Variants in BICC1 observed in about 807,000 individuals in gnomAD.
BICC1 encodes the protein BicC family RNA binding protein 1.
In BICC1, 43 loss-of-function variants were observed where a neutral mutation model predicts 111.0. That is an observed-to-expected ratio of 0.39 (90% CI 0.30 to 0.50). The LOEUF (loss-of-function observed/expected upper bound fraction) is 0.50, where lower values mean the gene tolerates loss of function less well. Ranked by LOEUF, BICC1 falls within the 20% of genes least tolerant of loss-of-function variation. The pLI is 0.88. For synonymous variants in BICC1, 467 were observed against 434.4 expected (o/e 1.07, Z -0.93); for missense variants, 1,091 against 1,203.2 (o/e 0.91, Z 1.38).
chr10:58,768,228 CAGTT>C (rs758167882), intron 3 of BICC1, among the ~76,000 whole-genome samples: 10 of 152,258 alleles, frequency 6.6e-5, no homozygotes, highest in Admixed American at 5.9e-4. Context: ...AGAAGACTGT[CAGTT>C]AGACTATCAA....
intron 1 of BICC1, among the ~76,000 whole-genome samples, chr10:58,581,700 G>A (rs776736537): frequency 3.9e-5 from 6 of 151,996 alleles, no homozygotes; most frequent in Admixed American, 6.6e-5. Flanking sequence ...TTTCCTAGAC[G>A]CAATCATACT....
intron 3 of BICC1, among the ~76,000 whole-genome samples, chr10:58,753,160 G>A (rs1390112651): frequency 6.6e-6 from 1 of 152,012 alleles, no homozygotes; most frequent in Non-Finnish European, 1.5e-5. Context: ...CGTTGTTGTT[G>A]TTTTTGTTGT....
intron 1 of BICC1, among the ~76,000 whole-genome samples, chr10:58,544,778 C>A (rs1045350192): frequency 2.0e-5 from 3 of 152,060 alleles, no homozygotes; most frequent in African/African-American, 7.2e-5. Context: ...GTCTCCCTTT[C>A]CCCCAAAATC....
intron 2 of BICC1, among the ~76,000 whole-genome samples, chr10:58,663,928 A>G (rs1304657361): frequency 6.6e-6 from 1 of 152,190 alleles, no homozygotes; most frequent in African/African-American, 2.4e-5. Context: ...GTAGTGGTCT[A>G]TTGTATGGGT....
chr10:58,589,171 C>T (rs1430076820), intron 1 of BICC1, among the ~76,000 whole-genome samples: 1 of 152,196 alleles, frequency 6.6e-6, no homozygotes, highest in Non-Finnish European at 1.5e-5. Flanking sequence ...AGAGAACCCA[C>T]TCACACGCTC....
rs1440438373 is a variant in BICC1, at chr10:58,789,588, A to G, written c.796-94A>G. The stretch of plus-strand genomic sequence containing the variant: ...CATTTTGGTTTGCAGAATATGCTGT[A>G]TTTTTCCATAGCTGTTAGAAATGCA... On this transcript the variant is annotated intron_variant, in intron 7 of 20. Transcript: ENST00000373886. 26 of 1,539,754 alleles carry G rather than the reference A, an allele frequency of 1.7e-5. No individual in the cohort carries two copies. In the Admixed American group the frequency reaches 4.3e-4, roughly 26 times the overall value.
Position 58,803,218 on chromosome 10 carries a change from A to G in BICC1, c.2157A>G (p.Pro719=), listed in dbSNP as rs767333433. The G allele has an allele frequency of 3.1e-6, 5 of 1,605,112 alleles. No homozygotes were observed. Among genetic ancestry groups the G allele is most frequent in the Non-Finnish European group, 4.3e-6 (5 of 1,175,804 alleles). ...ACTCCGAAAGGGCCCACCTTGCTCCACGGTCATCATATGTCAACATGCAGG... is the reference window on the plus strand; with the variant it reads ...ACTCCGAAAGGGCCCACCTTGCTCCGCGGTCATCATATGTCAACATGCAGG... ...QQNSERAHLA[P]RSSYVNMQAF... The change falls in exon 15 of 21, where the codon CCA becomes CCG. Residue 719 remains proline, a synonymous_variant. Transcript: ENST00000373886.
intron 2 of BICC1, among the ~76,000 whole-genome samples, chr10:58,682,524 C>T (rs1319829578): frequency 1.3e-5 from 2 of 152,182 alleles, no homozygotes; most frequent in African/African-American, 4.8e-5. Flanking sequence ...TCCTCTCCAG[C>T]ACCTGTTGTT....
chr10:58,607,094 A>T (rs1313862299), intron 1 of BICC1, among the ~76,000 whole-genome samples: 3 of 152,020 alleles, frequency 2.0e-5, no homozygotes, highest in Non-Finnish European at 4.4e-5. Context: ...AGGTGGGTGG[A>T]TCAGCTGCGG....
intron 2 of BICC1, among the ~76,000 whole-genome samples, chr10:58,690,083 A>G (rs956222358): frequency 3.3e-5 from 5 of 152,202 alleles, no homozygotes; most frequent in Non-Finnish European, 5.9e-5. Context: ...GCATTAAAAG[A>G]TGAGAGTTAA....
chr10:58,614,634 G>T (rs1379066881), intron 1 of BICC1, among the ~76,000 whole-genome samples: 1 of 152,068 alleles, frequency 6.6e-6, no homozygotes, highest in Non-Finnish European at 1.5e-5. Context: ...TCTAACTTAG[G>T]AAATCTTTCC....
chr10:58,682,978 A>T lies in BICC1; in HGVS notation c.238-19096A>T, dbSNP rs544543042. Among the ~76,000 whole-genome samples, 1,033 of 152,278 alleles carry T rather than the reference A, an allele frequency of 6.8e-3. 11 individuals are homozygous for T. The highest frequency in any genetic ancestry group is 0.034 in the Middle Eastern group (10 of 294). On this transcript the variant is annotated intron_variant, in intron 2 of 20. Coordinates refer to ENST00000373886, the MANE Select transcript of BICC1 (RefSeq NM_001080512.3). ...TGCCCATGCCTATGTCCTGAATGGT[A>T]TTGCCTAGGTTTTCTTCTAGGGTTT... is the stretch of plus-strand genomic sequence containing the variant.
intron 1 of BICC1, among the ~76,000 whole-genome samples, chr10:58,611,696 C>T (rs1845427052): frequency 6.6e-6 from 1 of 151,794 alleles, no homozygotes; most frequent in African/African-American, 2.4e-5. Flanking sequence ...CACCATGCTG[C>T]GTAGGCTGGT....
At chr10:58,586,542 G>A (rs566146388) in intron 1 of BICC1, among the ~76,000 whole-genome samples, 3 of 151,394 alleles carry the variant, frequency 2.0e-5, no homozygotes, top group Admixed American at 6.6e-5. Flanking sequence ...GGGGCGGGGG[G>A]GCGCGGAGGT....
chr10:58,799,690 G>T (rs892714562), intron 12 of BICC1, among the ~76,000 whole-genome samples: 2 of 151,878 alleles, frequency 1.3e-5, no homozygotes, highest in Non-Finnish European at 2.9e-5. Flanking sequence ...TCTCTATTCC[G>T]TTCCCTTGGT....
At chr10:58,539,850 A>G (rs1842916276) in intron 1 of BICC1, among the ~76,000 whole-genome samples, 1 of 151,968 alleles carries the variant, frequency 6.6e-6, no homozygotes, top group South Asian at 2.1e-4. Flanking sequence ...CAAGTGCACT[A>G]GGAGCATTCT....
At chr10:58,512,559 G>T (rs1842113722), upstream of BICC1, among the ~76,000 whole-genome samples, 1 of 152,142 alleles carries the variant, frequency 6.6e-6, no homozygotes, top group Non-Finnish European at 1.5e-5. Context: ...TGTAAGTGCA[G>T]AAAAGTAGTA....
chr10:58,729,457 A>G (rs1278466626), intron 3 of BICC1, among the ~76,000 whole-genome samples: 2 of 152,120 alleles, frequency 1.3e-5, no homozygotes, highest in Non-Finnish European at 2.9e-5. Context: ...TTTGCTCTGG[A>G]TTAGGCTTTG....
intron 3 of BICC1, among the ~76,000 whole-genome samples, chr10:58,729,676 A>T (rs1011284902): frequency 9.2e-5 from 14 of 152,190 alleles, no homozygotes; most frequent in Non-Finnish European, 1.6e-4. Flanking sequence ...GCTTTTACTC[A>T]TGGTGAAGGC....
Sources: allele counts gnomAD v4.1 joint callset (sites outside exome capture counted in the v4.1 genomes callset), GRCh38; gene constraint gnomAD v4.1.1; transcripts MANE v1.5; gene names NCBI Gene and HGNC (gene_info 2026-07-23, HGNC 2026-07-21).